NMNAT3: variants seen among roughly 807,000 people sequenced by gnomAD.
The protein encoded by NMNAT3 is nicotinamide/nicotinic acid mononucleotide adenylyltransferase 3.
In NMNAT3, 21 loss-of-function variants were observed where a neutral mutation model predicts 24.8. The ratio of observed to expected loss-of-function variants is 0.85; its 90% confidence interval spans 0.60 to 1.22. NMNAT3 has a LOEUF of 1.22. NMNAT3 is among the 50% of genes most tolerant of loss of function. The probability of loss-of-function intolerance (pLI) is 0.00; values close to 1 mark genes in which losing one functional copy is unlikely to be tolerated. For missense variants in NMNAT3, 387 were observed against 436.6 expected (o/e 0.89, Z 1.01); for synonymous variants, 136 against 155.2 (o/e 0.88, Z 0.92).
At chr3:139,576,510 CTTA>C (rs911745142) in intron 5 of NMNAT3, among the ~76,000 whole-genome samples, 5 of 148,986 alleles carry the variant, frequency 3.4e-5, no homozygotes, top group African/African-American at 1.3e-4. Context: ...TTTAAAAAAG[CTTA>C]TTAAGTGATT....
At chr3:139,564,146 A>C (rs1936833719) in intron 6 of NMNAT3, among the ~76,000 whole-genome samples, 1 of 152,168 alleles carries the variant, frequency 6.6e-6, no homozygotes. Flanking sequence ...TCAGCCATAA[A>C]ATGGGGATAG....
chr3:139,627,026 G>A (rs941558853), intron 3 of NMNAT3, among the ~76,000 whole-genome samples: 1 of 152,048 alleles, frequency 6.6e-6, no homozygotes, highest in African/African-American at 2.4e-5. Flanking sequence ...GATTACAAAT[G>A]TCACTTTACT....
chr3:139,577,178 C>T (rs1939452555), intron 5 of NMNAT3, among the ~76,000 whole-genome samples: 1 of 151,960 alleles, frequency 6.6e-6, no homozygotes, highest in Non-Finnish European at 1.5e-5. Flanking sequence ...TCTTAGCTCA[C>T]TCCTGTATTT....
chr3:139,652,094 G>A (rs2057074201), intron 1 of NMNAT3, among the ~76,000 whole-genome samples: 1 of 152,154 alleles, frequency 6.6e-6, no homozygotes, highest in African/African-American at 2.4e-5. Context: ...GTGATGCTGG[G>A]AGGAAGCCAT....
At chr3:139,571,388 T>C (rs111878474) in intron 6 of NMNAT3, 562 of 152,924 alleles carry the variant, frequency 3.7e-3, no homozygotes, top group African/African-American at 0.013. Flanking sequence ...CCCAGTGAGA[T>C]GAACCTGGTA....
chr3:139,578,519 C>T (rs1939656947), intron 5 of NMNAT3, among the ~76,000 whole-genome samples: 1 of 152,170 alleles, frequency 6.6e-6, no homozygotes, highest in Admixed American at 6.5e-5. Context: ...TTTGTTGTCT[C>T]CATTTTGCAA....
intron 2 of NMNAT3, chr3:139,636,590 C>T (rs994591264): frequency 2.0e-5 from 3 of 152,176 alleles, no homozygotes; most frequent in Non-Finnish European, 4.4e-5. Flanking sequence ...AAATGAAGCA[C>T]AATTATTTTG....
At chr3:139,644,999 C>T (rs1414272152) in intron 1 of NMNAT3, among the ~76,000 whole-genome samples, 2 of 152,016 alleles carry the variant, frequency 1.3e-5, no homozygotes, top group Admixed American at 6.6e-5. Context: ...GTCAGGAGTT[C>T]GAGACTAGCC....
chr3:139,673,870 C>T (rs1231047311), intron 1 of NMNAT3, among the ~76,000 whole-genome samples: 1 of 151,960 alleles, frequency 6.6e-6, no homozygotes, highest in Non-Finnish European at 1.5e-5. Flanking sequence ...TGTGGAAGTG[C>T]TCACAGCCAA....
chr3:139,582,834 C>A, intron 4 of NMNAT3: 1 of 754,592 alleles, frequency 1.3e-6, no homozygotes, highest in Non-Finnish European at 2.0e-6. Context: ...GTATTCAATG[C>A]AACTCTTCTT....
At chr3:139,601,006 C>G (rs533710971) in intron 3 of NMNAT3, among the ~76,000 whole-genome samples, 1 of 152,196 alleles carries the variant, frequency 6.6e-6, no homozygotes, top group African/African-American at 2.4e-5. Flanking sequence ...CTCAAAAACT[C>G]ATTACCTTCT....
intron 1 of NMNAT3, among the ~76,000 whole-genome samples, chr3:139,658,617 G>A (rs1355195013): frequency 6.6e-6 from 1 of 152,124 alleles, no homozygotes; most frequent in Non-Finnish European, 1.5e-5. Flanking sequence ...ATTTTTTACT[G>A]TTTGTTTTAT....
intron 3 of NMNAT3, among the ~76,000 whole-genome samples, chr3:139,603,688 C>G (rs2054814595): frequency 6.6e-6 from 1 of 152,054 alleles, no homozygotes; most frequent in Admixed American, 6.6e-5. Flanking sequence ...ACTAATATGC[C>G]TCATTGCTAT....
chr3:139,610,461 G>A (rs1378676596), intron 3 of NMNAT3, among the ~76,000 whole-genome samples: 1 of 152,170 alleles, frequency 6.6e-6, no homozygotes, highest in African/African-American at 2.4e-5. Context: ...AATTATCTTG[G>A]TTCAAAACAA....
At chr3:139,566,984 C>A (rs1559851570) in intron 6 of NMNAT3, 1 of 151,864 alleles carries the variant, frequency 6.6e-6, no homozygotes, top group Non-Finnish European at 1.5e-5. Context: ...ATTGATTCTT[C>A]CTACCCATGA....
intron 3 of NMNAT3, among the ~76,000 whole-genome samples, chr3:139,607,765 C>T (rs559712013): frequency 6.6e-6 from 1 of 152,298 alleles, no homozygotes; most frequent in East Asian, 1.9e-4. Context: ...TACCCCTTTG[C>T]CATTTCCCCA....
At chr3:139,626,558 A>G (rs892704387) in intron 3 of NMNAT3, among the ~76,000 whole-genome samples, 3 of 152,086 alleles carry the variant, frequency 2.0e-5, no homozygotes, top group Non-Finnish European at 4.4e-5. Context: ...TCTGCATCAA[A>G]TCTGGTTTGG....
chr3:139,673,140 G>A (rs544042297), intron 1 of NMNAT3, among the ~76,000 whole-genome samples: 1 of 152,298 alleles, frequency 6.6e-6, no homozygotes, highest in East Asian at 1.9e-4. Context: ...CAGAGAAGGA[G>A]GAAACAAATA....
rs2057791482 is a variant in NMNAT3, at chr3:139,672,475, T to C, written c.-141+5230A>G. 2.6e-5 allele frequency: 4 copies of C among 152,346 alleles called. No homozygotes were observed. In the South Asian group the frequency reaches 8.3e-4, roughly 32 times the overall value. 9.4% of individuals were successfully genotyped at this position (152,346 alleles called of 1,614,324 possible). ...AATACTGTCAGCGTGTCAGCCTTTATGAAAGGGAGATTTCCAGAACCACTT... is the reference window on the plus strand; with the variant it reads ...AATACTGTCAGCGTGTCAGCCTTTACGAAAGGGAGATTTCCAGAACCACTT... On this transcript the variant is annotated intron_variant, in intron 1 of 6. Coordinates refer to ENST00000643695, the MANE Select transcript of NMNAT3 (RefSeq NM_001320510.2).
Sources: gnomAD v4.1 joint callset for allele counts (sites outside exome capture counted in the v4.1 genomes callset) on GRCh38, gnomAD v4.1.1 for gene constraint, MANE v1.5 for transcripts, NCBI Gene and HGNC (gene_info 2026-07-23, HGNC 2026-07-21) for gene names.